SGCD: variants seen among roughly 807,000 people sequenced by gnomAD.
The protein encoded by SGCD is sarcoglycan delta.
In SGCD, 18 loss-of-function variants were observed where a neutral mutation model predicts 36.6. The ratio of observed to expected loss-of-function variants is 0.49; its 90% CI spans 0.34 to 0.73. The LOEUF is 0.73. Among genes scored for constraint, SGCD ranks in the 30% least tolerant of loss-of-function variants. SGCD has a pLI of 0.01. For synonymous variants in SGCD, 133 were observed against 130.6 expected (o/e 1.02, Z -0.12); for missense variants, 387 against 346.7 (o/e 1.12, Z -0.92).
chr5:155,825,452 T>A, the SGCD span, among the ~76,000 whole-genome samples: 119,951 of 152,178 alleles, frequency 0.79, 47,685 homozygotes, highest in East Asian at 0.91. Flanking sequence ...TTCAGAATTA[T>A]CATTTTGATT....
At chr5:156,180,016 A>G (rs142907190) in intron 3 of SGCD, among the ~76,000 whole-genome samples, 3 of 152,342 alleles carry the variant, frequency 2.0e-5, no homozygotes, top group African/African-American at 4.8e-5. Flanking sequence ...GGTGATGGAA[A>G]TATTTATAGT....
At chr5:156,178,220 AT>A (rs1325467132) in intron 3 of SGCD, among the ~76,000 whole-genome samples, 1 of 152,194 alleles carries the variant, frequency 6.6e-6, no homozygotes, top group Non-Finnish European at 1.5e-5. Flanking sequence ...GAAAAAAAAA[AT>A]CATAAGTTGA....
At chr5:155,846,196 T>C in the SGCD span, among the ~76,000 whole-genome samples, 1 of 152,220 alleles carries the variant, frequency 6.6e-6, no homozygotes, top group Non-Finnish European at 1.5e-5. Context: ...TATTCGTCTT[T>C]ACTATGGCAT....
chr5:156,095,732 G>A (rs937953333), intron 1 of SGCD, among the ~76,000 whole-genome samples: 4 of 152,152 alleles, frequency 2.6e-5, no homozygotes, highest in African/African-American at 7.2e-5. Flanking sequence ...CTACTCACAC[G>A]GTCGCTCCTA....
intron 3 of SGCD, among the ~76,000 whole-genome samples, chr5:156,285,290 C>A (rs561878020): frequency 1.2e-3 from 178 of 152,244 alleles, no homozygotes; most frequent in African/African-American, 4.2e-3. Context: ...ATCAAGCTAC[C>A]AATGACTTTT....
intron 3 of SGCD, among the ~76,000 whole-genome samples, chr5:156,187,593 T>C (rs1039349106): frequency 2.0e-5 from 3 of 152,168 alleles, no homozygotes; most frequent in Admixed American, 6.5e-5. Flanking sequence ...CGAATACTGA[T>C]AGTACCTGTG....
intron 3 of SGCD, among the ~76,000 whole-genome samples, chr5:156,451,789 T>G (rs1754030576): frequency 6.6e-6 from 1 of 152,180 alleles, no homozygotes; most frequent in Non-Finnish European, 1.5e-5. Context: ...TCATTCTGTC[T>G]GCACTGAGAA....
At chr5:156,408,714 G>C (rs1447760547) in intron 3 of SGCD, among the ~76,000 whole-genome samples, 4 of 152,124 alleles carry the variant, frequency 2.6e-5, no homozygotes, top group African/African-American at 7.2e-5. Flanking sequence ...CTTTCTCTTT[G>C]TCCCCTTTTT....
intron 1 of SGCD, among the ~76,000 whole-genome samples, chr5:155,944,031 T>C (rs1450784782): frequency 2.0e-5 from 3 of 152,206 alleles, no homozygotes; most frequent in Admixed American, 2.0e-4. Context: ...CCATTCTGCA[T>C]GACCACAGCC....
At chr5:156,451,448 T>A (rs1754010576) in intron 3 of SGCD, among the ~76,000 whole-genome samples, 2 of 152,150 alleles carry the variant, frequency 1.3e-5, no homozygotes, top group Non-Finnish European at 2.9e-5. Context: ...TAAAGAAGTG[T>A]TGATCTGTCT....
chr5:156,638,184 C>A (rs534599216), intron 6 of SGCD, among the ~76,000 whole-genome samples: 47 of 151,618 alleles, frequency 3.1e-4, no homozygotes, highest in African/African-American at 1.1e-3. Flanking sequence ...GTCTTGATTG[C>A]TGTCACACTG....
At chr5:156,664,582 A>G (rs372385518) in intron 7 of SGCD, among the ~76,000 whole-genome samples, 785 of 47,100 alleles carry the variant, frequency 0.017, 14 homozygotes, top group East Asian at 0.11. Context: ...ATTTTGACCT[A>G]TTCCTAATAG....
At chr5:156,249,299 A>G (rs538040458) in intron 3 of SGCD, among the ~76,000 whole-genome samples, 4 of 152,294 alleles carry the variant, frequency 2.6e-5, no homozygotes, top group African/African-American at 7.2e-5. Flanking sequence ...GTGAGATATT[A>G]TGGAAGCTGG....
chr5:156,318,628 G>C (rs572388770), intron 3 of SGCD, among the ~76,000 whole-genome samples: 1 of 142,842 alleles, frequency 7.0e-6, no homozygotes, highest in African/African-American at 2.6e-5. Context: ...GTCTCACTCT[G>C]TCACCTAGGC....
At chr5:156,108,651 T>G (rs553544369) in intron 1 of SGCD, among the ~76,000 whole-genome samples, 5 of 152,148 alleles carry the variant, frequency 3.3e-5, no homozygotes, top group Non-Finnish European at 7.4e-5. Context: ...GTTAAAGCAT[T>G]GATATTATTT....
At position 156,271,560 on chromosome 5, in the gene SGCD, A is replaced by G. The variant is rs185264116; in HGVS notation, c.-43-57974A>G. ...CATAGCTTTATCTAATACTTGAAGCAGTGCTTGATCCAAAAATATTAAAAC... is the reference window on the plus strand; with the variant it reads ...CATAGCTTTATCTAATACTTGAAGCGGTGCTTGATCCAAAAATATTAAAAC... On this transcript the variant is annotated intron_variant, in intron 3 of 9. Coordinates refer to the SGCD transcript ENST00000517913. Among the ~76,000 whole-genome samples, 148 of 152,314 alleles carry G rather than the reference A, an allele frequency of 9.7e-4. 2 individuals are homozygous for G. Among genetic ancestry groups the G allele is most frequent in the African/African-American group, 3.4e-3 (141 of 41,560 alleles).
At chr5:155,881,931 C>T (rs1755896637) in intron 1 of SGCD, among the ~76,000 whole-genome samples, 1 of 152,126 alleles carries the variant, frequency 6.6e-6, no homozygotes, top group Non-Finnish European at 1.5e-5. Flanking sequence ...AAGTCAGGCA[C>T]ATCTTGAGGC....
At chr5:156,161,551 A>G (rs758273373) in intron 3 of SGCD, among the ~76,000 whole-genome samples, 27 of 151,946 alleles carry the variant, frequency 1.8e-4, no homozygotes, top group Non-Finnish European at 3.2e-4. Context: ...CCAAGGGCAC[A>G]AAGCTGGTGA....
chr5:156,159,575 A>G (rs1763042335), intron 3 of SGCD, among the ~76,000 whole-genome samples: 3 of 151,634 alleles, frequency 2.0e-5, no homozygotes, highest in Non-Finnish European at 4.4e-5. Flanking sequence ...CCAATTTTGG[A>G]TATTTAAATA....
Sources: allele counts gnomAD v4.1 joint callset (sites outside exome capture counted in the v4.1 genomes callset), GRCh38; gene constraint gnomAD v4.1.1; transcripts MANE v1.5; gene names NCBI Gene and HGNC (gene_info 2026-07-23, HGNC 2026-07-21).